ARHGEF33: variants seen among roughly 807,000 people sequenced by gnomAD.
The protein encoded by ARHGEF33 is DH and coiled-coil domain-containing protein ENSP00000381780.
Under a neutral mutation model 101.9 loss-of-function variants are expected in ARHGEF33, and 72 were observed. The observed-to-expected ratio is 0.71, with a 90% CI of 0.58 to 0.86. The LOEUF (loss-of-function observed/expected upper bound fraction) is 0.86, where lower values mean the gene tolerates loss of function less well. ARHGEF33 is among the 40% of genes least tolerant of loss of function. The pLI is 0.00. For missense variants in ARHGEF33, 1,169 were observed against 1,111.3 expected, an observed-to-expected ratio of 1.05 and a Z score of -0.74; for synonymous variants, 499 against 442.5, an observed-to-expected ratio of 1.13 and a Z score of -1.60.
In ARHGEF33 at chr2:38,964,031, C is replaced by A. The variant is rs1445377617; in HGVS notation, c.2344-1975C>A. On this transcript the variant is annotated intron_variant, in intron 16 of 17. Coordinates refer to ENST00000409978, the MANE Select transcript of ARHGEF33 (RefSeq NM_001145451.5). ...CACCATAATCTAGGATCAGTGGGAG[C>A]CCTGAGTTTGTTTTCCTGCAACTAG... Among the ~76,000 whole-genome samples, 7 of 151,952 alleles carry A rather than the reference C, an allele frequency of 4.6e-5. No individual in the cohort carries two copies. In the South Asian group the frequency reaches 1.5e-3, roughly 32 times the overall value.
At chr2:38,919,332 G>A in intron 2 of ARHGEF33, 31 bp from the exon 3 acceptor site, 1 of 1,048,888 alleles carries the variant, frequency 9.5e-7, no homozygotes, top group Non-Finnish European at 1.4e-6. Flanking sequence ...AGTTTTACTT[G>A]TTATCCCTTA....
At chr2:38,913,645 G>A (rs572000910) in intron 2 of ARHGEF33, among the ~76,000 whole-genome samples, 10 of 151,584 alleles carry the variant, frequency 6.6e-5, no homozygotes, top group East Asian at 3.9e-4. Context: ...GCGTGGTGGC[G>A]CACGCCTGTA....
chr2:38,896,430 G>A (rs537365379), intron 2 of ARHGEF33, among the ~76,000 whole-genome samples: 98 of 152,252 alleles, frequency 6.4e-4, no homozygotes, highest in Middle Eastern at 3.4e-3. Flanking sequence ...GAGCCACTGC[G>A]CTCAGCCATA....
intron 17 of ARHGEF33, 42 bp downstream of exon 17, chr2:38,966,187 C>T: frequency 6.5e-7 from 1 of 1,539,742 alleles, no homozygotes; most frequent in Non-Finnish European, 8.8e-7. Flanking sequence ...ACTCATTTCC[C>T]TTTGGGCTAA....
chr2:38,909,973 T>C (rs1666473628), intron 2 of ARHGEF33, among the ~76,000 whole-genome samples: 1 of 152,100 alleles, frequency 6.6e-6, no homozygotes, highest in East Asian at 1.9e-4. Context: ...AGAATACGTA[T>C]AGTTATTTTT....
At chr2:38,944,503 G>A (rs1483208275) in intron 10 of ARHGEF33, among the ~76,000 whole-genome samples, 1 of 152,086 alleles carries the variant, frequency 6.6e-6, no homozygotes, top group Non-Finnish European at 1.5e-5. Flanking sequence ...GTTGCATTGG[G>A]GGTTAAGTTT....
At chr2:38,968,976 C>T (rs556763952) in intron 17 of ARHGEF33, among the ~76,000 whole-genome samples, 1 of 152,260 alleles carries the variant, frequency 6.6e-6, no homozygotes, top group South Asian at 2.1e-4. Context: ...CCCAGTGTAG[C>T]ACAGGAAGGG....
intron 7 of ARHGEF33, among the ~76,000 whole-genome samples, chr2:38,931,833 C>G (rs894573309): frequency 6.6e-5 from 10 of 152,170 alleles, no homozygotes; most frequent in African/African-American, 2.4e-4. Flanking sequence ...CCATGTCTAG[C>G]AAAGCACCTA....
chr2:38,969,506 C>T (rs2124432884), intron 17 of ARHGEF33: 1 of 169,390 alleles, frequency 5.9e-6, no homozygotes, highest in East Asian at 1.9e-4. Flanking sequence ...GGGTTCTCTT[C>T]CCTCTGAGGC....
Position 38,966,043 on chromosome 2 carries a change from A to C in ARHGEF33, c.2381A>C (p.Lys794Thr), listed in dbSNP as rs1458660758. Reference protein sequence around the residue: ...HLEDTTRFCPKEERESEQTSF... With the variant: ...HLEDTTRFCPTEERESEQTSF... ...GAAGATACTACCAGATTCTGTCCCAAAGAAGAAAGAGAAAGTGAACAAACA... is the reference window on the plus strand; with the variant it reads ...GAAGATACTACCAGATTCTGTCCCACAGAAGAAAGAGAAAGTGAACAAACA... Residue 794 changes from lysine to threonine, a missense_variant, in exon 17 of 18, where the codon AAA (lysine) becomes ACA (threonine). Coordinates refer to ENST00000409978, the MANE Select transcript of ARHGEF33 (RefSeq NM_001145451.5). 6.4e-7 allele frequency: 1 copy of C among 1,551,596 alleles called. No homozygotes were observed. The highest frequency in any genetic ancestry group is 2.4e-5 in the East Asian group (1 of 40,940).
In ARHGEF33 at chr2:38,937,332, C is replaced by A; in HGVS notation, c.566-3C>A. On this transcript the variant is annotated splice_region_variant and splice_polypyrimidine_tract_variant and intron_variant, in intron 8 of 17. Coordinates refer to ENST00000409978, the MANE Select transcript of ARHGEF33 (RefSeq NM_001145451.5). The stretch of plus-strand genomic sequence containing the variant: ...TTCCCCGCCCCTCCCCCCACCCCAC[C>A]AGGAGTGAACCCAACAACTCCAGAA... 2 of 628,928 alleles carry A rather than the reference C, an allele frequency of 3.2e-6. No individual in the cohort carries two copies. The highest frequency in any genetic ancestry group is 5.2e-6 in the Non-Finnish European group (2 of 381,512). 39.0% of individuals were successfully genotyped at this position (628,928 alleles called of 1,614,324 possible).
At chr2:38,935,890 T>C in intron 8 of ARHGEF33, 56 bp downstream of exon 8, 1 of 1,368,552 alleles carries the variant, frequency 7.3e-7, no homozygotes, top group Non-Finnish European at 1.0e-6. Context: ...TATTTTCCAC[T>C]TCTATCTTCC....
rs191660755 is a variant in ARHGEF33, at chr2:38,924,352, C to T, written c.75+2929C>T. Among the ~76,000 whole-genome samples the T allele has an allele frequency of 1.3e-3, 203 of 152,286 alleles. 2 individuals carry two copies. Among genetic ancestry groups the T allele is most frequent in the African/African-American group, 4.8e-3 (201 of 41,578 alleles). ...TATCCTTTGTCCACTGCACATACCC[C>T]TCTCAAAGTCGTTGAATCAGAGCTC... On this transcript the variant is annotated intron_variant, in intron 4 of 17. Transcript: ENST00000409978.
intron 9 of ARHGEF33, among the ~76,000 whole-genome samples, 191 bp from the exon 10 acceptor site, chr2:38,943,709 AC>A (rs1289941979): frequency 6.6e-6 from 1 of 152,210 alleles, no homozygotes; most frequent in Non-Finnish European, 1.5e-5. Context: ...AGATGGGGAC[AC>A]CAAGACTTCG....
In ARHGEF33 at chr2:38,937,521, G is replaced by A; in HGVS notation, c.752G>A (p.Ser251Asn). 3 of 1,549,984 alleles carry A rather than the reference G, an allele frequency of 1.9e-6. No homozygotes were observed. The highest frequency in any genetic ancestry group is 1.7e-6 in the Non-Finnish European group (2 of 1,145,930). The part of the protein sequence containing the change: ...KLKEAGQGRH[S>N]SLENVLCETS... ...AAGGAGGCTGGCCAGGGTAGACACA[G>A]CTCCTTGGAAAACGTTTTATGTGAA... The change falls in exon 9 of 18, where the codon AGC becomes AAC. Residue 251 changes from serine (S) to asparagine (N), a missense_variant. Ser to Asn is a conservative substitution (Grantham distance 46). Coordinates refer to ENST00000409978, the MANE Select transcript of ARHGEF33 (RefSeq NM_001145451.5).
chr2:38,954,898 TG>T (rs1288700218), intron 13 of ARHGEF33, among the ~76,000 whole-genome samples: 5 of 152,260 alleles, frequency 3.3e-5, no homozygotes, highest in African/African-American at 1.2e-4. Context: ...CCTCCCAAAG[TG>T]GTGGGATTAC....
intron 4 of ARHGEF33, among the ~76,000 whole-genome samples, chr2:38,925,699 A>G (rs1666854965): frequency 6.6e-6 from 1 of 152,176 alleles, no homozygotes; most frequent in African/African-American, 2.4e-5. Context: ...CAAAGCAATT[A>G]CCTTCGCCTC....
rs144836773 is a variant in ARHGEF33, at chr2:38,958,910, A to C, written c.1535+712A>C. ...GGCCAGGCTGCCACCATGCCCGGCTAATTTTTGTACTTTTAGTAGAGACGG... is the reference window on the plus strand; with the variant it reads ...GGCCAGGCTGCCACCATGCCCGGCTCATTTTTGTACTTTTAGTAGAGACGG... On this transcript the variant is annotated intron_variant, in intron 15 of 17. Coordinates refer to ENST00000409978, the MANE Select transcript of ARHGEF33 (RefSeq NM_001145451.5). Among the ~76,000 whole-genome samples, 324 of 152,144 alleles carry C rather than the reference A, an allele frequency of 2.1e-3. 6 individuals are homozygous for C. The East Asian group carries it at 0.035, about 16-fold the overall frequency.
intron 9 of ARHGEF33, among the ~76,000 whole-genome samples, chr2:38,940,967 C>A (rs953177664): frequency 6.7e-6 from 1 of 149,588 alleles, no homozygotes; most frequent in Non-Finnish European, 1.5e-5. Flanking sequence ...TGGAGTCAGT[C>A]AGCTTCCAGA....
Sources: allele counts gnomAD v4.1 joint callset (sites outside exome capture counted in the v4.1 genomes callset), GRCh38; gene constraint gnomAD v4.1.1; transcripts MANE v1.5; gene names NCBI Gene and HGNC (gene_info 2026-07-23, HGNC 2026-07-21).